The following CDH8 variants were observed in gnomAD, a reference collection of about 807,000 sequenced individuals.
The protein encoded by CDH8 is cadherin-8.
CDH8 carries 17 observed loss-of-function variants against 68.1 expected under a neutral mutation model. The ratio of observed to expected loss-of-function variants is 0.25; its 90% CI spans 0.17 to 0.37. The LOEUF (loss-of-function observed/expected upper bound fraction) is 0.37, where lower values mean the gene tolerates loss of function less well. Among genes scored for constraint, CDH8 ranks in the 10% least tolerant of loss-of-function variants. CDH8 has a pLI of 1.00. For missense variants in CDH8, 763 were observed against 999.3 expected, an observed-to-expected ratio of 0.76 and a Z score of 3.19; for synonymous variants, 372 against 365.1, an observed-to-expected ratio of 1.02 and a Z score of -0.21.
chr16:61,891,165 C>T (rs1345742063), intron 3 of CDH8, among the ~76,000 whole-genome samples: 1 of 151,762 alleles, frequency 6.6e-6, no homozygotes, highest in Non-Finnish European at 1.5e-5. Context: ...ACCTAAGATC[C>T]CAAAAACAGT....
At chr16:61,980,469 T>C (rs973409098) in intron 2 of CDH8, among the ~76,000 whole-genome samples, 2 of 152,228 alleles carry the variant, frequency 1.3e-5, no homozygotes, top group East Asian at 1.9e-4. Context: ...AGTATCATCA[T>C]ATCATAGTAA....
intron 2 of CDH8, among the ~76,000 whole-genome samples, chr16:61,965,214 T>G (rs563174459): frequency 6.6e-6 from 1 of 152,330 alleles, no homozygotes; most frequent in East Asian, 1.9e-4. Flanking sequence ...CCATTTCATC[T>G]AACATAGACT....
intron 4 of CDH8, among the ~76,000 whole-genome samples, chr16:61,831,929 A>G (rs1025506667): frequency 6.6e-6 from 1 of 151,798 alleles, no homozygotes; most frequent in Non-Finnish European, 1.5e-5. Flanking sequence ...TCAGTGTACA[A>G]TTATCATTTT....
intron 1 of CDH8, among the ~76,000 whole-genome samples, chr16:62,023,838 CT>C (rs1486843834): frequency 6.6e-6 from 1 of 152,080 alleles, no homozygotes; most frequent in Admixed American, 6.6e-5. Context: ...CAGTTCTCCC[CT>C]ACTCCATGAT....
intron 4 of CDH8, among the ~76,000 whole-genome samples, chr16:61,850,649 A>G (rs1453696323): frequency 6.6e-6 from 1 of 151,982 alleles, no homozygotes; most frequent in East Asian, 1.9e-4. Context: ...CTGATCACCA[A>G]TTTATCTTTT....
At chr16:61,816,901 A>T (rs1423023646) in intron 7 of CDH8, among the ~76,000 whole-genome samples, 1 of 152,144 alleles carries the variant, frequency 6.6e-6, no homozygotes, top group Admixed American at 6.5e-5. Flanking sequence ...GCAGAGAAAG[A>T]TTTTTATCTA....
chr16:61,727,336 T>G (rs751883489), intron 8 of CDH8, 121 bp from the exon 9 acceptor site: 6 of 1,005,694 alleles, frequency 6.0e-6, no homozygotes, highest in Non-Finnish European at 8.8e-6. Flanking sequence ...GTTTTCAACA[T>G]GGTGATTATA....
At chr16:61,910,297 G>C (rs1220844291) in intron 2 of CDH8, among the ~76,000 whole-genome samples, 1 of 148,870 alleles carries the variant, frequency 6.7e-6, no homozygotes, top group Non-Finnish European at 1.5e-5. Context: ...CTTTTTCTTT[G>C]CATTCTGTGT....
intron 5 of CDH8, among the ~76,000 whole-genome samples, chr16:61,822,252 TTCTCTCTCTG>T (rs1190751391): frequency 2.9e-5 from 4 of 138,900 alleles, no homozygotes; most frequent in African/African-American, 1.1e-4. Context: ...TTTTGGCTAT[TTCTCTCTCTG>T]TCTCTCTCTC....
chr16:61,664,710 G>GA lies in CDH8; in HGVS notation c.1655-8990dup, dbSNP rs57073742. ...TCAGATAGAAAGAGGCTTTAGAGAG[G>GA]AAAAAAAATCCAACTTTTATTAAAA... On this transcript the variant is annotated intron_variant, in intron 10 of 11. Transcript: ENST00000577390. 6.8e-4 allele frequency among the ~76,000 whole-genome samples: 103 copies of GA among 151,616 alleles called. 1 individual carries two copies. In the East Asian group the frequency reaches 0.017, roughly 25 times the overall value.
intron 9 of CDH8, chr16:61,726,417 C>G (rs1453479331): frequency 6.6e-6 from 1 of 150,560 alleles, no homozygotes; most frequent in Non-Finnish European, 1.5e-5. Flanking sequence ...TTCTTCCTCC[C>G]TCTTTTTCTC....
intron 3 of CDH8, among the ~76,000 whole-genome samples, chr16:61,887,922 T>TA (rs1224759784): frequency 6.6e-6 from 1 of 152,130 alleles, no homozygotes; most frequent in Non-Finnish European, 1.5e-5. Flanking sequence ...AGAAACTAAG[T>TA]AAACTGTATC....
intron 7 of CDH8, among the ~76,000 whole-genome samples, chr16:61,807,734 G>T (rs941912329): frequency 7.2e-5 from 11 of 152,114 alleles, no homozygotes; most frequent in African/African-American, 2.4e-4. Context: ...AGCAAACAGA[G>T]ATATAAAGGC....
chr16:61,684,469 G>A (rs1964070528), intron 10 of CDH8, among the ~76,000 whole-genome samples: 1 of 151,990 alleles, frequency 6.6e-6, no homozygotes, highest in South Asian at 2.1e-4. Context: ...GGAAGACACA[G>A]TTAAACAACA....
intron 7 of CDH8, among the ~76,000 whole-genome samples, chr16:61,801,770 C>T (rs1961645248): frequency 2.6e-5 from 4 of 152,216 alleles, no homozygotes; most frequent in South Asian, 4.1e-4. Context: ...GCTTAAAAAG[C>T]GGCGAACCAT....
intron 1 of CDH8, among the ~76,000 whole-genome samples, chr16:62,021,986 T>A (rs1902086480): frequency 6.6e-6 from 1 of 152,146 alleles, no homozygotes; most frequent in African/African-American, 2.4e-5. Context: ...TCAGGGTGTA[T>A]GCTAACACAG....
At chr16:61,772,584 T>A (rs185780262) in intron 8 of CDH8, among the ~76,000 whole-genome samples, 40 of 152,214 alleles carry the variant, frequency 2.6e-4, no homozygotes, top group Admixed American at 9.2e-4. Flanking sequence ...ATATTTGTCC[T>A]TGTTGTCAAG....
chr16:61,837,107 C>T (rs929772714), intron 4 of CDH8, among the ~76,000 whole-genome samples: 7 of 151,764 alleles, frequency 4.6e-5, no homozygotes, highest in Non-Finnish European at 7.4e-5. Context: ...TGCCTCTTTC[C>T]TCACATTTAT....
chr16:61,953,896 TATATA>T (rs2143600148), intron 2 of CDH8, among the ~76,000 whole-genome samples: 2 of 1,858 alleles, frequency 1.1e-3, no homozygotes, highest in East Asian at 0.018. Context: ...AAAAAAACTT[TATATA>T]TATATATATA....
Sources: allele counts gnomAD v4.1 joint callset (sites outside exome capture counted in the v4.1 genomes callset), GRCh38; gene constraint gnomAD v4.1.1; transcripts MANE v1.5; gene names NCBI Gene and HGNC (gene_info 2026-07-23, HGNC 2026-07-21).